The following GRXCR2 variants were observed in gnomAD, a reference collection of about 807,000 sequenced individuals.
GRXCR2 encodes the protein glutaredoxin and cysteine rich domain containing 2.
A neutral mutation model predicts 24.8 loss-of-function variants in GRXCR2; 23 were observed. The ratio of observed to expected loss-of-function variants is 0.93; its 90% confidence interval spans 0.67 to 1.32. The LOEUF (loss-of-function observed/expected upper bound fraction) is 1.32, where lower values mean the gene tolerates loss of function less well. Among genes scored for constraint, GRXCR2 ranks in the 40% most tolerant of loss-of-function variants. The pLI, the probability that GRXCR2 is intolerant of heterozygous loss-of-function variation, is 0.00. For synonymous variants in GRXCR2, 130 were observed against 116.1 expected, an observed-to-expected ratio of 1.12 and a Z score of -0.77; for missense variants, 315 against 303.4, an observed-to-expected ratio of 1.04 and a Z score of -0.28.
chr5:145,928,436 A>G (rs1257306304), intron 2 of GRXCR2, among the ~76,000 whole-genome samples: 2 of 152,154 alleles, frequency 1.3e-5, no homozygotes, highest in Non-Finnish European at 2.9e-5. Flanking sequence ...TCATGCTGCT[A>G]TAAAGACACA....
chr5:145,893,986 A>G (rs1756909698), intron 2 of GRXCR2, among the ~76,000 whole-genome samples: 3 of 152,246 alleles, frequency 2.0e-5, no homozygotes, highest in Non-Finnish European at 4.4e-5. Flanking sequence ...AACTCACTCA[A>G]AACCGCTCAA....
At chr5:145,892,518 G>A (rs1272454944) in intron 2 of GRXCR2, among the ~76,000 whole-genome samples, 2 of 152,196 alleles carry the variant, frequency 1.3e-5, no homozygotes, top group Admixed American at 6.5e-5. Flanking sequence ...CAATTAACTG[G>A]AAGAAAGGGT....
At chr5:145,931,177 A>G (rs1356270930) in intron 2 of GRXCR2, among the ~76,000 whole-genome samples, 1 of 152,166 alleles carries the variant, frequency 6.6e-6, no homozygotes, top group Non-Finnish European at 1.5e-5. Context: ...GACTATAGGC[A>G]TGTGCCACCA....
chr5:145,884,216 G>A lies in GRXCR2; in HGVS notation c.-69-17488C>T, dbSNP rs185139704. On this transcript the variant is annotated intron_variant, in intron 2 of 3. Coordinates refer to the GRXCR2 transcript ENST00000639411. ...CAGAGAATAGAGGAATGGTTAAGTG[G>A]CCCAGAAGGAAGCAACCACACAAAA... Among the ~76,000 whole-genome samples the A allele has an allele frequency of 2.1e-4, 32 of 152,146 alleles. No individual in the cohort carries two copies. The East Asian group carries it at 5.8e-3, about 28-fold the overall frequency.
chr5:145,915,754 G>A (rs1325748056), intron 2 of GRXCR2, among the ~76,000 whole-genome samples: 1 of 124,968 alleles, frequency 8.0e-6, no homozygotes, highest in African/African-American at 3.0e-5. Context: ...AAAGGAAGAA[G>A]AAGGTAGGCT....
chr5:145,866,967 A>G (rs150494640), intron 1 of GRXCR2, among the ~76,000 whole-genome samples: 1 of 152,170 alleles, frequency 6.6e-6, no homozygotes, highest in East Asian at 1.9e-4. Flanking sequence ...AACTACTCAG[A>G]GTATGAGAGT....
intron 2 of GRXCR2, among the ~76,000 whole-genome samples, chr5:145,925,730 C>T (rs1299887523): frequency 2.0e-5 from 3 of 152,146 alleles, no homozygotes; most frequent in African/African-American, 7.2e-5. Context: ...TATCATATAA[C>T]TAATACATAA....
upstream of GRXCR2, among the ~76,000 whole-genome samples, chr5:145,874,748 G>C (rs1756587021): frequency 1.3e-5 from 2 of 152,214 alleles, no homozygotes; most frequent in South Asian, 4.1e-4. Context: ...ACTGTTCCAT[G>C]TGACAAGCAA....
At chr5:145,869,635 G>A (rs1439905963) in intron 1 of GRXCR2, among the ~76,000 whole-genome samples, 2 of 149,060 alleles carry the variant, frequency 1.3e-5, no homozygotes, top group African/African-American at 5.0e-5. Context: ...TCGGCTCACT[G>A]CAAGCTCCGC....
upstream of GRXCR2, among the ~76,000 whole-genome samples, chr5:145,877,397 T>G (rs2149914071): frequency 6.6e-6 from 1 of 151,812 alleles, no homozygotes; most frequent in South Asian, 2.1e-4. Context: ...GTTGCCAGGC[T>G]GGAATGCAGT....
intron 2 of GRXCR2, among the ~76,000 whole-genome samples, chr5:145,881,815 A>T (rs1163253481): frequency 1.3e-5 from 2 of 152,228 alleles, no homozygotes; most frequent in African/African-American, 2.4e-5. Flanking sequence ...CTGGTACCTA[A>T]ACAGATATAT....
At chr5:145,860,248 A>G (rs537713551) in intron 2 of GRXCR2, among the ~76,000 whole-genome samples, 1 of 152,322 alleles carries the variant, frequency 6.6e-6, no homozygotes, top group Admixed American at 6.5e-5. Flanking sequence ...CTTATTGCCA[A>G]ATACTACAAG....
chr5:145,922,234 C>G (rs1757331426), intron 2 of GRXCR2, among the ~76,000 whole-genome samples: 1 of 152,192 alleles, frequency 6.6e-6, no homozygotes, highest in South Asian at 2.1e-4. Flanking sequence ...AGTCCTGGGT[C>G]CTCCCACCCT....
chr5:145,889,205 A>AAAGAAAGG lies in GRXCR2; in HGVS notation c.-69-22478_-69-22477insCCTTTCTT, dbSNP rs1554105352. On this transcript the variant is annotated intron_variant, in intron 2 of 3. Transcript: ENST00000639411. ...GAAAGAAAGAAAGAAAGAAAGAAAGAAAGAAAGAAAGAAAGAAAGAAAGAA... is the reference window on the plus strand; with the variant it reads ...GAAAGAAAGAAAGAAAGAAAGAAAGAAAGAAAGGAAGAAAGAAAGAAAGAAAGAAAGAA... Among the ~76,000 whole-genome samples the AAAGAAAGG allele has an allele frequency of 2.6e-5, 4 of 150,944 alleles. 1 individual carries two copies. The highest frequency in any genetic ancestry group is 9.7e-5 in the African/African-American group (4 of 41,158).
At chr5:145,903,749 C>T (rs1257949491) in intron 2 of GRXCR2, among the ~76,000 whole-genome samples, 2 of 152,182 alleles carry the variant, frequency 1.3e-5, no homozygotes, top group African/African-American at 4.8e-5. Flanking sequence ...GACAAAGAAT[C>T]TGGCCTCTAC....
chr5:145,879,567 G>A (rs372269), intron 2 of GRXCR2, among the ~76,000 whole-genome samples: 7 of 151,938 alleles, frequency 4.6e-5, no homozygotes, highest in South Asian at 2.1e-4. Flanking sequence ...CCTTAGAGAC[G>A]GACAAAGAGA....
chr5:145,920,957 C>T (rs996232693), intron 2 of GRXCR2, among the ~76,000 whole-genome samples: 4 of 152,222 alleles, frequency 2.6e-5, no homozygotes, highest in African/African-American at 9.6e-5. Context: ...TCACCAGACA[C>T]CAAATCTGTC....
downstream of GRXCR2, among the ~76,000 whole-genome samples, chr5:145,858,316 CAAAA>C (rs139918161): frequency 8.2e-6 from 1 of 121,326 alleles, no homozygotes; most frequent in Non-Finnish European, 1.7e-5. Context: ...CTGTCTCCCA[CAAAA>C]AAAAAAAAAA....
In GRXCR2 at chr5:145,859,805, C is replaced by G; in HGVS notation, c.675G>C (p.Glu225Asp). The change falls in exon 3 of 3, where the codon GAG (glutamate) becomes GAC (aspartate). Residue 225 changes from glutamate to aspartate, a missense_variant. Coordinates refer to ENST00000377976, the MANE Select transcript of GRXCR2 (RefSeq NM_001080516.2). ...CAGGGCACCTCAGGGCCCGATAGGA[C>G]TCCTTAAATCTGTTGGCCAGCATCG... ...KFSMLANRFK[E>D]SYRALRCPAC... 1 of 1,614,186 alleles carries G rather than the reference C, an allele frequency of 6.2e-7. No homozygotes were observed. The highest frequency in any genetic ancestry group is 8.5e-7 in the Non-Finnish European group (1 of 1,180,020).
Sources: allele counts gnomAD v4.1 joint callset (sites outside exome capture counted in the v4.1 genomes callset), GRCh38; gene constraint gnomAD v4.1.1; transcripts MANE v1.5; gene names NCBI Gene and HGNC (gene_info 2026-07-23, HGNC 2026-07-21).